The following KCNK12 variants were observed in gnomAD, a reference collection of about 807,000 sequenced individuals.
KCNK12 encodes potassium two pore domain channel subfamily K member 12.
KCNK12 carries 6 observed loss-of-function variants against 25.3 expected under a neutral mutation model. The observed-to-expected ratio is 0.24, with a 90% CI of 0.13 to 0.47. The LOEUF (loss-of-function observed/expected upper bound fraction) is 0.47. Ranked by LOEUF, KCNK12 falls within the 20% of genes least tolerant of loss-of-function variation. The probability of loss-of-function intolerance (pLI) is 0.99; values close to 1 mark genes in which losing one functional copy is unlikely to be tolerated. For missense variants in KCNK12, 444 were observed against 661.7 expected, an observed-to-expected ratio of 0.67 and a Z score of 3.61; for synonymous variants, 331 against 311.1, an observed-to-expected ratio of 1.06 and a Z score of -0.67.
intron 1 of KCNK12, among the ~76,000 whole-genome samples, chr2:47,559,318 C>G (rs1669615920): frequency 6.6e-6 from 1 of 152,212 alleles, no homozygotes. Flanking sequence ...CAGCCAGCCC[C>G]TCCAGCTGTA....
chr2:47,512,260 C>T lies in KCNK12; in HGVS notation c.*8647G>A, dbSNP rs750293650. The T allele has an allele frequency of 7.0e-5, 112 of 1,607,192 alleles. No individual in the cohort carries two copies. The highest frequency in any genetic ancestry group is 8.8e-5 in the Non-Finnish European group (104 of 1,177,140). On this transcript the variant is annotated 3_prime_UTR_variant, in exon 2 of 2. Coordinates refer to ENST00000327876, the MANE Select transcript of KCNK12 (RefSeq NM_022055.2). ...GAGTATCGTTCTTGATGGAAATCCC[C>T]GTGGAACTCCTACATTTTCTCCTCT...
rs2104685956 is a variant in KCNK12 at position 47,515,512 on chromosome 2, C to T, written c.*5395G>A. Reference sequence around the variant, plus strand: ...ACCAGAATGGAAAATAGTGCATGATCTGTACAGTATAGTTGTAGAAAACTT... The same window carrying T: ...ACCAGAATGGAAAATAGTGCATGATTTGTACAGTATAGTTGTAGAAAACTT... On this transcript the variant is annotated 3_prime_UTR_variant, in exon 2 of 2. Coordinates refer to ENST00000327876, the MANE Select transcript of KCNK12 (RefSeq NM_022055.2). Among the ~76,000 whole-genome samples, 1 of 152,242 alleles carries T rather than the reference C, an allele frequency of 6.6e-6. No individual in the cohort carries two copies. Among genetic ancestry groups the T allele is most frequent in the South Asian group, 2.1e-4 (1 of 4,814 alleles).
At chr2:47,521,990 G>T (rs1433866944) in intron 1 of KCNK12, among the ~76,000 whole-genome samples, 182 bp from the exon 2 acceptor site, 1 of 152,218 alleles carries the variant, frequency 6.6e-6, no homozygotes, top group Non-Finnish European at 1.5e-5. Context: ...CACTTAATAG[G>T]TTTCCTGATC....
chr2:47,526,584 T>G (rs1668783679), intron 1 of KCNK12, among the ~76,000 whole-genome samples: 1 of 151,764 alleles, frequency 6.6e-6, no homozygotes, highest in African/African-American at 2.4e-5. Flanking sequence ...AATACAAAAA[T>G]TAGCCGGGCA....
In KCNK12 at chr2:47,511,512, T is replaced by A. The variant is rs1668402162; in HGVS notation, c.*9395A>T. On this transcript the variant is annotated 3_prime_UTR_variant, in exon 2 of 2. Coordinates refer to ENST00000327876, the MANE Select transcript of KCNK12 (RefSeq NM_022055.2). This position sits in a 1 kb window ranked among gnomAD's most constrained non-coding sequence, Gnocchi z 4.3. ...GTCTGTGGTGGGAGGGGCTTCCATA[T>A]TACAGAGAGATGCCCACAGTGCATG... 6.6e-6 allele frequency among the ~76,000 whole-genome samples: 1 copy of A among 152,186 alleles called. No individual in the cohort carries two copies.
intron 1 of KCNK12, among the ~76,000 whole-genome samples, chr2:47,542,416 GAAC>G (rs1305554839): frequency 6.6e-6 from 1 of 152,252 alleles, no homozygotes; most frequent in East Asian, 1.9e-4. Context: ...TCAGTAAACA[GAAC>G]AACAAGGATT....
At position 47,551,879 on chromosome 2, in the gene KCNK12, A is replaced by C. The variant is rs750207583; in HGVS notation, c.391+18062T>G. Among the ~76,000 whole-genome samples the C allele has an allele frequency of 5.9e-5, 9 of 152,222 alleles. No individual in the cohort carries two copies. Among genetic ancestry groups the C allele is most frequent in the Non-Finnish European group, 1.2e-4 (8 of 68,036 alleles). ...GTGGCATTACAGAGAAAGCCTGGAA[A>C]CATTACAAGGGAGTAGAGCCAGGGC... is the stretch of plus-strand genomic sequence containing the variant. On this transcript the variant is annotated intron_variant, in intron 1 of 1. Transcript: ENST00000327876. The surrounding 1 kb of genome is among the most constrained non-coding windows in gnomAD (Gnocchi z 5.3).
rs536767374 is a variant in KCNK12 at position 47,562,810 on chromosome 2, G to C, written c.391+7131C>G. On this transcript the variant is annotated intron_variant, in intron 1 of 1. Coordinates refer to ENST00000327876, the MANE Select transcript of KCNK12 (RefSeq NM_022055.2). This position sits in a 1 kb window ranked among gnomAD's most constrained non-coding sequence, Gnocchi z 4.8. ...CCAACTCTCCCCGTGTAGAAACTCTGCAGAGAGTATGACCGTGTCTCTTAA... is the reference window on the plus strand; with the variant it reads ...CCAACTCTCCCCGTGTAGAAACTCTCCAGAGAGTATGACCGTGTCTCTTAA... The C allele has an allele frequency of 4.3e-6, 1 of 233,148 alleles. No homozygotes were observed. The highest frequency in any genetic ancestry group is 6.0e-5 in the East Asian group (1 of 16,570). The allele number at this position is 233,148 out of a possible 1,614,324, so 14.4% of individuals were successfully genotyped here.
intron 1 of KCNK12, among the ~76,000 whole-genome samples, chr2:47,552,220 C>A (rs1458656847): frequency 6.6e-6 from 1 of 152,182 alleles, no homozygotes; most frequent in Non-Finnish European, 1.5e-5. Flanking sequence ...GTCATTGCCA[C>A]ACACCAACCT....
rs1262393841 is a variant in KCNK12, at chr2:47,518,525, AGAG to A, written c.*2379_*2381del. The A allele has an allele frequency of 6.6e-6, 1 of 152,274 alleles. No individual in the cohort carries two copies. Among genetic ancestry groups the A allele is most frequent in the Non-Finnish European group, 1.5e-5 (1 of 68,050 alleles). The allele number at this position is 152,274 out of a possible 1,614,324, so 9.4% of individuals were successfully genotyped here. A position where few individuals can be genotyped will look rare whatever the true frequency, so the allele number is the denominator to read the frequency against. On this transcript the variant is annotated 3_prime_UTR_variant, in exon 2 of 2. Coordinates refer to ENST00000327876, the MANE Select transcript of KCNK12 (RefSeq NM_022055.2). The surrounding 1 kb of genome is among the most constrained non-coding windows in gnomAD (Gnocchi z 4.1). Reference sequence around the variant, plus strand: ...ATAGAGTCTAGGAAGCACCGCCAACAGAGAAGACTGCCAAGAAACATTTTGAGT... The same window carrying A: ...ATAGAGTCTAGGAAGCACCGCCAACAAAGACTGCCAAGAAACATTTTGAGT...
rs1402043479 is a variant in KCNK12 at position 47,517,347 on chromosome 2, C to T, written c.*3560G>A. 1 of 152,060 alleles carries T rather than the reference C, an allele frequency of 6.6e-6. No homozygotes were observed. The highest frequency in any genetic ancestry group is 2.4e-5 in the African/African-American group (1 of 41,394). The allele number at this position is 152,060 out of a possible 1,614,324, so 9.4% of individuals were successfully genotyped here. ...GTCTGAAGGACGGAGGATCCTGGGTCAATTTAGCAGCTATTTTCCAGGGTT... is the reference window on the plus strand; with the variant it reads ...GTCTGAAGGACGGAGGATCCTGGGTTAATTTAGCAGCTATTTTCCAGGGTT... On this transcript the variant is annotated 3_prime_UTR_variant, in exon 2 of 2. Coordinates refer to ENST00000327876, the MANE Select transcript of KCNK12 (RefSeq NM_022055.2). This position sits in a 1 kb window ranked among gnomAD's most constrained non-coding sequence, Gnocchi z 4.1.
rs1169369579 is a variant in KCNK12, at chr2:47,540,087, C to T, written c.392-18279G>A. 2.0e-5 allele frequency among the ~76,000 whole-genome samples: 3 copies of T among 152,152 alleles called. No individual in the cohort carries two copies. The highest frequency in any genetic ancestry group is 2.1e-4 in the South Asian group (1 of 4,828). ...GGATCAGAGGGGAGGGGACAGCTGG[C>T]GGATTTAGCAGAGTACGTGGCACAG... On this transcript the variant is annotated intron_variant, in intron 1 of 1. Transcript: ENST00000327876. The surrounding 1 kb of genome is among the most constrained non-coding windows in gnomAD (Gnocchi z 5.4).
At position 47,540,416 on chromosome 2, in the gene KCNK12, G is replaced by C. The variant is rs977565560; in HGVS notation, c.392-18608C>G. On this transcript the variant is annotated intron_variant, in intron 1 of 1. Transcript: ENST00000327876. This position sits in a 1 kb window ranked among gnomAD's most constrained non-coding sequence, Gnocchi z 5.4. ...GAATGAGACCCCGGTAACCGCAGCA[G>C]TAAAGACCCCTCAAATGCCATCTCT... Among the ~76,000 whole-genome samples the C allele has an allele frequency of 1.8e-4, 28 of 152,312 alleles. No homozygotes were observed. The highest frequency in any genetic ancestry group is 6.5e-4 in the African/African-American group (27 of 41,538).
In KCNK12 at chr2:47,560,466, C is replaced by G. The variant is rs1042132882; in HGVS notation, c.391+9475G>C. Reference sequence around the variant, plus strand: ...TCACTGATGCCTCCTCATCCTCCTCCTCCACCCACACAACCCTGCAGACCC... The same window carrying G: ...TCACTGATGCCTCCTCATCCTCCTCGTCCACCCACACAACCCTGCAGACCC... On this transcript the variant is annotated intron_variant, in intron 1 of 1. Transcript: ENST00000327876. This position sits in a 1 kb window ranked among gnomAD's most constrained non-coding sequence, Gnocchi z 4.7. Among the ~76,000 whole-genome samples, 1 of 152,208 alleles carries G rather than the reference C, an allele frequency of 6.6e-6. No individual in the cohort carries two copies.
intron 1 of KCNK12, among the ~76,000 whole-genome samples, chr2:47,523,756 A>G (rs187373164): frequency 1.8e-4 from 27 of 152,230 alleles, no homozygotes; most frequent in Admixed American, 1.6e-3. Context: ...GAGCTGAAAA[A>G]ATGGATCATT....
chr2:47,547,680 C>A lies in KCNK12; in HGVS notation c.391+22261G>T, dbSNP rs957380017. ...TACCATGATCTTGACTCACAGCAAC[C>A]TCTGCCTCCCTGTTTCAAGCGAGTC... is the stretch of plus-strand genomic sequence containing the variant. On this transcript the variant is annotated intron_variant, in intron 1 of 1. Transcript: ENST00000327876. This position sits in a 1 kb window ranked among gnomAD's most constrained non-coding sequence, Gnocchi z 5.0. 3.3e-5 allele frequency among the ~76,000 whole-genome samples: 5 copies of A among 152,170 alleles called. No homozygotes were observed. The highest frequency in any genetic ancestry group is 5.9e-5 in the Non-Finnish European group (4 of 68,032).
chr2:47,540,335 G>C lies in KCNK12; in HGVS notation c.392-18527C>G, dbSNP rs563803782. 1.7e-4 allele frequency among the ~76,000 whole-genome samples: 26 copies of C among 152,296 alleles called. No individual in the cohort carries two copies. The South Asian group carries it at 5.4e-3, about 32-fold the overall frequency. On this transcript the variant is annotated intron_variant, in intron 1 of 1. Transcript: ENST00000327876. This position sits in a 1 kb window ranked among gnomAD's most constrained non-coding sequence, Gnocchi z 5.4. ...CATGAGGTGTAGTCACTGTGCCAGGGGGCTGAGTGTCCGGCCTGGGACGTG... is the reference window on the plus strand; with the variant it reads ...CATGAGGTGTAGTCACTGTGCCAGGCGGCTGAGTGTCCGGCCTGGGACGTG...
chr2:47,539,502 G>A lies in KCNK12; in HGVS notation c.392-17694C>T, dbSNP rs1558555798. On this transcript the variant is annotated intron_variant, in intron 1 of 1. Transcript: ENST00000327876. Reference sequence around the variant, plus strand: ...CCCAGACCAGGAGAGTAGCCAAAAGGGGACTAAGGAAGGGAGGCCAAAGGG... The same window carrying A: ...CCCAGACCAGGAGAGTAGCCAAAAGAGGACTAAGGAAGGGAGGCCAAAGGG... 2.0e-5 allele frequency among the ~76,000 whole-genome samples: 3 copies of A among 152,256 alleles called. 1 individual carries two copies. In the South Asian group the frequency reaches 6.2e-4, roughly 32 times the overall value.
At chr2:47,531,573 GCC>G (rs1483117287) in intron 1 of KCNK12, among the ~76,000 whole-genome samples, 2 of 152,198 alleles carry the variant, frequency 1.3e-5, no homozygotes, top group Non-Finnish European at 2.9e-5. Context: ...AGTGCCCAGG[GCC>G]ACTGGGCAGG....
Sources: allele counts gnomAD v4.1 joint callset (sites outside exome capture counted in the v4.1 genomes callset), GRCh38; gene constraint gnomAD v4.1.1; non-coding constraint Gnocchi (gnomAD v3.1); transcripts MANE v1.5; gene names NCBI Gene and HGNC (gene_info 2026-07-23, HGNC 2026-07-21).